IGF2BP1: variants seen among roughly 807,000 people sequenced by gnomAD.
IGF2BP1 encodes the protein insulin like growth factor 2 mRNA binding protein 1.
IGF2BP1 carries 11 observed loss-of-function variants against 74.9 expected under a neutral mutation model. The observed-to-expected ratio is 0.15, with a 90% confidence interval of 0.09 to 0.24. IGF2BP1 has a LOEUF of 0.24. Ranked by LOEUF, IGF2BP1 falls within the 10% of genes least tolerant of loss-of-function variation. The pLI is 1.00. For missense variants in IGF2BP1, 440 were observed against 757.4 expected (o/e 0.58, Z 4.92); for synonymous variants, 287 against 281.8 (o/e 1.02, Z -0.18).
At position 49,040,058 on chromosome 17, in the gene IGF2BP1, A is replaced by G; in HGVS notation, c.785A>G (p.Glu262Gly). ...GCSSACKMILEIMHKEAKDTK... is the reference protein window; with the variant it reads ...GCSSACKMILGIMHKEAKDTK... The stretch of plus-strand genomic sequence containing the variant: ...TCCTCCGCTTGTAAGATGATCTTGG[A>G]GATTATGCATAAAGAGGCTAAGGAC... Residue 262 changes from glutamate to glycine, a missense_variant, in exon 7 of 15, where the codon GAG (glutamate) becomes GGG (glycine). Coordinates refer to ENST00000290341, the MANE Select transcript of IGF2BP1 (RefSeq NM_006546.4). 6.2e-7 allele frequency: 1 copy of G among 1,614,084 alleles called. No homozygotes were observed. Among genetic ancestry groups the G allele is most frequent in the South Asian group, 1.1e-5 (1 of 91,062 alleles).
chr17:49,042,494 A>ACT (rs2042063181), intron 9 of IGF2BP1, 117 bp downstream of exon 9: 1 of 1,067,472 alleles, frequency 9.4e-7, no homozygotes, highest in Non-Finnish European at 1.4e-6. Context: ...GCTTTAGTTG[A>ACT]TGCTTTTGGA....
intron 2 of IGF2BP1, among the ~76,000 whole-genome samples, chr17:49,001,468 T>C (rs1044063631): frequency 2.0e-5 from 3 of 152,172 alleles, no homozygotes; most frequent in African/African-American, 7.2e-5. Flanking sequence ...TTGTTTTGTT[T>C]TGTTTTTTAA....
intron 4 of IGF2BP1, among the ~76,000 whole-genome samples, 198 bp downstream of exon 4, chr17:49,026,715 TCCTGCCTGCCTTCCTGCCTTCCTG>T (rs1301810132): frequency 1.6e-3 from 185 of 113,908 alleles, no homozygotes; most frequent in African/African-American, 2.7e-3. Context: ...CTTCCTGCCT[TCCTGCCTGCCTTCCTGCCTTCCTG>T]CCTGCCTTCC....
At chr17:49,002,697 GA>G (rs2041501001) in intron 2 of IGF2BP1, among the ~76,000 whole-genome samples, 1 of 148,714 alleles carries the variant, frequency 6.7e-6, no homozygotes, top group South Asian at 2.2e-4. Flanking sequence ...TATTAGGTTA[GA>G]ATTTTTTTTT....
intron 2 of IGF2BP1, among the ~76,000 whole-genome samples, chr17:49,016,697 G>A (rs2041707932): frequency 3.3e-5 from 5 of 152,058 alleles, no homozygotes; most frequent in Admixed American, 3.3e-4. Flanking sequence ...TCTTCGTGGT[G>A]GTGGCATCTG....
rs371286975 is a variant in IGF2BP1 at position 49,029,607 on chromosome 17, G to A, written c.338-2303G>A. Among the ~76,000 whole-genome samples, 13 of 152,216 alleles carry A rather than the reference G, an allele frequency of 8.5e-5. No homozygotes were observed. In the South Asian group the frequency reaches 2.5e-3, roughly 29 times the overall value. On this transcript the variant is annotated intron_variant, in intron 4 of 14. Coordinates refer to ENST00000290341, the MANE Select transcript of IGF2BP1 (RefSeq NM_006546.4). ...AAATTCACAAGACATTGATACAGGA[G>A]AAGGAAGGTTAACTTTATGTATTTA...
chr17:49,047,303 A>G (rs1010572660), intron 14 of IGF2BP1, among the ~76,000 whole-genome samples: 3 of 152,154 alleles, frequency 2.0e-5, no homozygotes, highest in African/African-American at 7.2e-5. Flanking sequence ...AGTATTAACA[A>G]GAGGCTTTAG....
At chr17:49,028,392 A>G (rs570162717) in intron 4 of IGF2BP1, among the ~76,000 whole-genome samples, 5 of 152,332 alleles carry the variant, frequency 3.3e-5, no homozygotes, top group South Asian at 2.1e-4. Flanking sequence ...CGCAAGAGTA[A>G]ACTGCTGAAT....
chr17:49,049,474 G>T lies in IGF2BP1; in HGVS notation c.*30G>T, dbSNP rs1567830101. 4.4e-6 allele frequency: 7 copies of T among 1,587,298 alleles called. No homozygotes were observed. Among genetic ancestry groups the T allele is most frequent in the Non-Finnish European group, 6.1e-6 (7 of 1,156,698 alleles). On this transcript the variant is annotated 3_prime_UTR_variant, in exon 15 of 15. Coordinates refer to ENST00000290341, the MANE Select transcript of IGF2BP1 (RefSeq NM_006546.4). ...CCCCTCCCTGTCCCTTCGAGTCCAG[G>T]ACAACAACGGGCAGAAATCGAGAGT...
At chr17:49,043,877 T>A in intron 10 of IGF2BP1, 90 bp from the exon 11 acceptor site, 1 of 1,543,118 alleles carries the variant, frequency 6.5e-7, no homozygotes. Context: ...CCTGTACTCC[T>A]TCCTCCTTGA....
intron 8 of IGF2BP1, among the ~76,000 whole-genome samples, 170 bp downstream of exon 8, chr17:49,041,670 C>T (rs1193435278): frequency 1.3e-5 from 2 of 152,226 alleles, no homozygotes; most frequent in Admixed American, 1.3e-4. Context: ...CCTGTAAGGA[C>T]TGGATCTGCC....
intron 5 of IGF2BP1, among the ~76,000 whole-genome samples, chr17:49,034,755 AC>A (rs1195925290): frequency 9.8e-4 from 49 of 50,098 alleles, no homozygotes; most frequent in Middle Eastern, 0.011. Flanking sequence ...CACAAAAAAA[AC>A]AAAAAAAACA....
At chr17:49,019,939 TATATATATATTTATATACAC>T (rs1167229261) in intron 2 of IGF2BP1, among the ~76,000 whole-genome samples, 7 of 59,772 alleles carry the variant, frequency 1.2e-4, no homozygotes, top group African/African-American at 6.2e-4. Context: ...TATATATATA[TATATATATATTTATATACAC>T]ACACACACAC....
In IGF2BP1 at chr17:49,043,493, C is replaced by T. The variant is rs142951853; in HGVS notation, c.1143C>T (p.Ser381=). ...TAGGTCTTTTCCCAGCTTCATCCAG[C>T]GCAGTCCCGCCGCCTCCCAGCAGCG... is the stretch of plus-strand genomic sequence containing the variant. ...AAVGLFPASS[S]AVPPPPSSVT... The change falls in exon 10 of 15, where the codon AGC becomes AGT. Residue 381 remains serine, a synonymous_variant. Transcript: ENST00000290341. 124 of 1,614,118 alleles carry T rather than the reference C, an allele frequency of 7.7e-5. No homozygotes were observed. Among genetic ancestry groups the T allele is most frequent in the African/African-American group, 5.5e-4 (41 of 75,050 alleles).
intron 14 of IGF2BP1, among the ~76,000 whole-genome samples, chr17:49,048,238 C>G (rs1161749799): frequency 2.0e-5 from 3 of 150,532 alleles, no homozygotes; most frequent in African/African-American, 7.3e-5. Flanking sequence ...CATATCTGGA[C>G]TTTATTTTTT....
intron 5 of IGF2BP1, among the ~76,000 whole-genome samples, chr17:49,033,540 A>G (rs1382774291): frequency 6.6e-6 from 1 of 151,884 alleles, no homozygotes; most frequent in Non-Finnish European, 1.5e-5. Context: ...ATGGGGTCTC[A>G]CCATGTTGGC....
At chr17:49,027,853 GAAAAAAAA>G (rs777784396) in intron 4 of IGF2BP1, among the ~76,000 whole-genome samples, 7 of 42,896 alleles carry the variant, frequency 1.6e-4, no homozygotes, top group East Asian at 1.1e-3. Flanking sequence ...CTCTGTCTCA[GAAAAAAAA>G]AAAAAAAAAA....
intron 2 of IGF2BP1, among the ~76,000 whole-genome samples, chr17:49,003,649 A>C (rs765013278): frequency 6.6e-6 from 1 of 151,916 alleles, no homozygotes; most frequent in Non-Finnish European, 1.5e-5. Flanking sequence ...AAATGTGGCT[A>C]ATGTTTTCCA....
At chr17:49,033,933 C>CCT (rs1270145851) in intron 5 of IGF2BP1, among the ~76,000 whole-genome samples, 1 of 151,710 alleles carries the variant, frequency 6.6e-6, no homozygotes, top group African/African-American at 2.4e-5. Flanking sequence ...AATACTCCTG[C>CCT]CTCAGCCTCT....
Sources: gnomAD v4.1 joint callset for allele counts (sites outside exome capture counted in the v4.1 genomes callset) on GRCh38, gnomAD v4.1.1 for gene constraint, MANE v1.5 for transcripts, NCBI Gene and HGNC (gene_info 2026-07-23, HGNC 2026-07-21) for gene names.